The following OTOA variants were observed in gnomAD, a reference collection of about 807,000 sequenced individuals.
OTOA encodes cancer/testis antigen 108.
Under a neutral mutation model 110.8 loss-of-function variants are expected in OTOA, and 70 were observed. The ratio of observed to expected loss-of-function variants is 0.63; its 90% confidence interval spans 0.52 to 0.77. OTOA has a LOEUF of 0.77. OTOA is among the 30% of genes least tolerant of loss of function. The pLI is 0.00. For missense variants in OTOA, 917 were observed against 1,075.8 expected (o/e 0.85, Z 2.06); for synonymous variants, 373 against 431.5 (o/e 0.86, Z 1.68).
chr16:21,719,224 CA>C (rs1597839072), intron 16 of OTOA, 33 bp downstream of exon 16: 1 of 1,612,412 alleles, frequency 6.2e-7, no homozygotes, highest in East Asian at 2.2e-5. Flanking sequence ...GGGTGCTGAA[CA>C]GGCCTTTCAG....
chr16:21,705,554 A>C (rs1321168293), intron 12 of OTOA: 11 of 492,532 alleles, frequency 2.2e-5, no homozygotes, highest in Non-Finnish European at 4.0e-5. Flanking sequence ...TCATGCCTGT[A>C]ATCCCAGCAC....
At chr16:21,717,084 G>C in intron 15 of OTOA, 37 bp downstream of exon 15, 1 of 1,612,198 alleles carries the variant, frequency 6.2e-7, no homozygotes, top group South Asian at 1.1e-5. Context: ...CTGTATTTCT[G>C]ACTATCTGTC....
At chr16:21,715,738 C>T (rs556277141) in intron 14 of OTOA, among the ~76,000 whole-genome samples, 22 of 149,648 alleles carry the variant, frequency 1.5e-4, no homozygotes, top group African/African-American at 5.4e-4. Context: ...GGCTGGTCTC[C>T]AACTCCTGGC....
rs772099935 is a variant in OTOA at position 21,685,339 on chromosome 16, T to C, written c.377T>C (p.Leu126Ser). The change falls in exon 7 of 29, where the codon TTA becomes TCA. Residue 126 changes from leucine (L) to serine (S), a missense_variant. Physicochemically the swap from Leu to Ser is moderately radical, Grantham distance 145. Around this residue, in one of 6 missense-constraint regions of OTOA, gnomAD observed 840 missense variants for 910.2 expected, o/e 0.92. Coordinates refer to ENST00000646100, the MANE Select transcript of OTOA (RefSeq NM_144672.4). Reference protein sequence around the residue: ...QQFRTAMKCLLEDKKDGLDLK... With the variant: ...QQFRTAMKCLSEDKKDGLDLK... ...TTCCGCACTGCCATGAAATGCCTCTTAGAAGACAAGAAGGACGGCTTGGTG... is the reference window on the plus strand; with the variant it reads ...TTCCGCACTGCCATGAAATGCCTCTCAGAAGACAAGAAGGACGGCTTGGTG... 5 of 1,612,408 alleles carry C rather than the reference T, an allele frequency of 3.1e-6. No individual in the cohort carries two copies. The highest frequency in any genetic ancestry group is 1.3e-5 in the African/African-American group (1 of 74,972).
At chr16:21,676,221 C>A (rs781099007) in intron 1 of OTOA, among the ~76,000 whole-genome samples, 6 of 152,118 alleles carry the variant, frequency 3.9e-5, no homozygotes, top group Non-Finnish European at 8.8e-5. Flanking sequence ...GCTTGGCCTG[C>A]CTGATAATTT....
Position 21,710,020 on chromosome 16 carries a change from G to GCCATCTCCACCCTCAACCAGGTCT in OTOA, c.1239_1262dup (p.Ile414_Ser421dup). 6.2e-7 allele frequency: 1 copy of GCCATCTCCACCCTCAACCAGGTCT among 1,614,092 alleles called. No individual in the cohort carries two copies. Among genetic ancestry groups the GCCATCTCCACCCTCAACCAGGTCT allele is most frequent in the Non-Finnish European group, 8.5e-7 (1 of 1,180,008 alleles). On this transcript the variant is annotated inframe_insertion, in exon 13 of 29. Coordinates refer to ENST00000646100, the MANE Select transcript of OTOA (RefSeq NM_144672.4). ...CCTCTCCCCCGAGGCTGTGCACGGA[G>GCCATCTCCACCCTCAACCAGGTCT]CCATCTCCACCCTCAACCAGGTCTC...
intron 1 of OTOA, among the ~76,000 whole-genome samples, chr16:21,667,575 T>A (rs1300571683): frequency 6.7e-6 from 1 of 150,230 alleles, no homozygotes; most frequent in Non-Finnish European, 1.5e-5. Flanking sequence ...AACCCCAGCG[T>A]GGGTAACAGA....
chr16:21,701,166 G>A, intron 11 of OTOA, 139 bp downstream of exon 11: 2 of 1,319,278 alleles, frequency 1.5e-6, no homozygotes, highest in Non-Finnish European at 1.1e-6. Flanking sequence ...ATTTCTCTGT[G>A]CATGTGAGGA....
chr16:21,673,674 A>G (rs573994048), intron 1 of OTOA, among the ~76,000 whole-genome samples: 1 of 152,316 alleles, frequency 6.6e-6, no homozygotes, highest in East Asian at 1.9e-4. Context: ...AATGGCGTGG[A>G]CATACCACAC....
chr16:21,664,431 G>T (rs558957698), intron 1 of OTOA, among the ~76,000 whole-genome samples, 199 bp downstream of exon 1: 57 of 152,178 alleles, frequency 3.7e-4, no homozygotes, highest in Middle Eastern at 3.4e-3. Context: ...CACTTGGAGG[G>T]GGGGGACGAT....
intron 6 of OTOA, among the ~76,000 whole-genome samples, chr16:21,684,127 TAAAAA>T (rs80259883): frequency 6.9e-6 from 1 of 144,848 alleles, no homozygotes; most frequent in Non-Finnish European, 1.5e-5. Flanking sequence ...ATACTTATAC[TAAAAA>T]AAAAAAAATG....
chr16:21,715,237 T>C (rs1356995765), intron 14 of OTOA, 85 bp downstream of exon 14: 47 of 1,569,904 alleles, frequency 3.0e-5, no homozygotes, highest in Non-Finnish European at 3.2e-5. Flanking sequence ...CTTTGGGCCA[T>C]GAACCCAGGG....
At chr16:21,681,566 A>G (rs1428240722) in intron 5 of OTOA, among the ~76,000 whole-genome samples, 172 bp from the exon 6 acceptor site, 1 of 152,148 alleles carries the variant, frequency 6.6e-6, no homozygotes, top group African/African-American at 2.4e-5. Flanking sequence ...CTGTTTCAAA[A>G]AAAGAGAAAA....
intron 1 of OTOA, among the ~76,000 whole-genome samples, chr16:21,677,350 C>G (rs1966860236): frequency 6.6e-6 from 1 of 152,074 alleles, no homozygotes; most frequent in Non-Finnish European, 1.5e-5. Flanking sequence ...GAAATTTTTG[C>G]CCATTCTAGT....
At chr16:21,675,514 A>G (rs775113184) in intron 1 of OTOA, among the ~76,000 whole-genome samples, 1 of 151,596 alleles carries the variant, frequency 6.6e-6, no homozygotes, top group Non-Finnish European at 1.5e-5. Context: ...CCAGTTACAC[A>G]TATTTCAAAT....
At chr16:21,672,545 C>T (rs1966850665) in intron 1 of OTOA, among the ~76,000 whole-genome samples, 1 of 150,732 alleles carries the variant, frequency 6.6e-6, no homozygotes, top group Non-Finnish European at 1.5e-5. Context: ...ATCGCTTGCA[C>T]CTGGGAGGCG....
chr16:21,707,665 TTCTCTTTCTG>T (rs1567379648), intron 12 of OTOA, among the ~76,000 whole-genome samples: 3 of 137,354 alleles, frequency 2.2e-5, no homozygotes, highest in Admixed American at 7.5e-5. Flanking sequence ...TTCTCTTTCT[TTCTCTTTCTG>T]TCTCTCTCTT....
chr16:21,714,849 G>A, intron 13 of OTOA, 136 bp from the exon 14 acceptor site: 6 of 1,114,904 alleles, frequency 5.4e-6, no homozygotes, highest in Non-Finnish European at 5.3e-6. Flanking sequence ...GCCTGTGGAG[G>A]CAGCATCTGT....
intron 1 of OTOA, among the ~76,000 whole-genome samples, chr16:21,674,896 C>CTTTTTTTTT: frequency 3.4e-5 from 1 of 29,786 alleles, no homozygotes; most frequent in Non-Finnish European, 5.7e-5. Flanking sequence ...TTTTAAAAAT[C>CTTTTTTTTT]TTTTTTTTTT....
Sources: allele counts gnomAD v4.1 joint callset (sites outside exome capture counted in the v4.1 genomes callset), GRCh38; gene constraint gnomAD v4.1.1; regional missense constraint gnomAD v4.1.1; transcripts MANE v1.5; gene names NCBI Gene and HGNC (gene_info 2026-07-23, HGNC 2026-07-21).